The following ZBTB37 variants were observed in gnomAD, a reference collection of about 807,000 sequenced individuals.
ZBTB37 encodes the protein zinc finger and BTB domain containing 37.
In ZBTB37, 15 loss-of-function variants were observed where a neutral mutation model predicts 37.7. The observed-to-expected ratio is 0.40, with a 90% CI of 0.27 to 0.61. The LOEUF (loss-of-function observed/expected upper bound fraction) is 0.61, where lower values mean the gene tolerates loss of function less well. Among genes scored for constraint, ZBTB37 ranks in the 20% least tolerant of loss-of-function variants. The pLI is 0.44. For missense variants in ZBTB37, 514 were observed against 641.9 expected, an observed-to-expected ratio of 0.80 and a Z score of 2.15; for synonymous variants, 231 against 220.6, an observed-to-expected ratio of 1.05 and a Z score of -0.42.
At chr1:173,903,110 T>A (rs1044698210) in exon 4 of ZBTB37, 1 of 152,146 alleles carries the variant, frequency 6.6e-6, no homozygotes, top group Non-Finnish European at 1.5e-5. Flanking sequence ...TTTCTAAGTA[T>A]CAGATTTGTT....
intron 4 of ZBTB37, among the ~76,000 whole-genome samples, chr1:173,882,508 A>G (rs570461873): frequency 3.6e-4 from 54 of 152,098 alleles, no homozygotes; most frequent in East Asian, 7.7e-4. Context: ...CCAAAGTGCT[A>G]GGATTACAGG....
chr1:173,870,017 A>T (rs942527084), intron 2 of ZBTB37, among the ~76,000 whole-genome samples, 183 bp from the exon 3 acceptor site: 3 of 152,222 alleles, frequency 2.0e-5, no homozygotes, highest in African/African-American at 7.2e-5. Flanking sequence ...TCCTCCTGTG[A>T]AACTTAAACT....
At chr1:173,888,601 A>AT (rs1283299241), downstream of ZBTB37, 1 of 140,518 alleles carries the variant, frequency 7.1e-6, no homozygotes, top group Non-Finnish European at 1.5e-5. Context: ...TAATTTTTAA[A>AT]TTTTTTTGTA....
downstream of ZBTB37, chr1:173,890,676 T>TA (rs1656806904): frequency 6.6e-6 from 1 of 152,216 alleles, no homozygotes; most frequent in African/African-American, 2.4e-5. Context: ...CCTTAGGACT[T>TA]ACGGAATTAG....
At chr1:173,871,184 G>T in intron 3 of ZBTB37, 36 bp downstream of exon 3, 1 of 1,530,800 alleles carries the variant, frequency 6.5e-7, no homozygotes, top group South Asian at 1.2e-5. Context: ...CCATGTAATG[G>T]CTATTGTGTA....
At chr1:173,874,078 A>G (rs569615921) in intron 4 of ZBTB37, among the ~76,000 whole-genome samples, 1 of 152,050 alleles carries the variant, frequency 6.6e-6, no homozygotes, top group East Asian at 2.0e-4. Context: ...CAACATGGAG[A>G]AAACCCGTCT....
chr1:173,886,081 G>T (rs1383844400), exon 5 of ZBTB37: 16 of 1,551,644 alleles, frequency 1.0e-5, no homozygotes, highest in Non-Finnish European at 1.4e-5. Flanking sequence ...GTTGCTCCTG[G>T]GGAAGCTGTC....
At chr1:173,872,526 T>C (rs961681314) in intron 3 of ZBTB37, among the ~76,000 whole-genome samples, 17 of 152,092 alleles carry the variant, frequency 1.1e-4, no homozygotes, top group African/African-American at 3.4e-4. Context: ...TTGAGTATTG[T>C]CTTCCTGTGT....
chr1:173,870,073 G>A (rs1316009385), intron 2 of ZBTB37, 127 bp from the exon 3 acceptor site: 2 of 623,502 alleles, frequency 3.2e-6, no homozygotes, highest in Non-Finnish European at 2.6e-6. Context: ...ATATAAGGAA[G>A]GTATTTCTTT....
chr1:173,881,656 G>A (rs1292766372), intron 4 of ZBTB37, among the ~76,000 whole-genome samples: 2 of 152,188 alleles, frequency 1.3e-5, no homozygotes, highest in East Asian at 3.9e-4. Flanking sequence ...TCTAACTGGT[G>A]TGAGATGGTA....
intron 4 of ZBTB37, among the ~76,000 whole-genome samples, chr1:173,881,498 T>C (rs1656305444): frequency 6.6e-6 from 1 of 152,216 alleles, no homozygotes; most frequent in Non-Finnish European, 1.5e-5. Context: ...TCAAATGGTA[T>C]TTCTAGTTCT....
rs143595382 is a variant in ZBTB37 at position 173,895,163 on chromosome 1, G to C, written c.*9039G>C. 7.3e-3 allele frequency: 1,112 copies of C among 152,600 alleles called. 52 individuals carry two copies. The East Asian group carries it at 0.14, about 19-fold the overall frequency. 9.5% of individuals were successfully genotyped at this position (152,600 alleles called of 1,614,324 possible). A position where few individuals can be genotyped will look rare whatever the true frequency, so the allele number is the denominator to read the frequency against. On this transcript the variant is annotated 3_prime_UTR_variant, in exon 4 of 4. Transcript: ENST00000367701. The stretch of plus-strand genomic sequence containing the variant: ...CTGTCACCCAGGCTGGAGTGCAGTG[G>C]TGCAATCACAGCTCACTGCAGCCTC...
exon 4 of ZBTB37, chr1:173,891,734 G>C (rs988109387): frequency 6.6e-6 from 1 of 152,116 alleles, no homozygotes; most frequent in African/African-American, 2.4e-5. Flanking sequence ...TTAAGGACCA[G>C]CCTGGGCAAC....
intron 4 of ZBTB37, among the ~76,000 whole-genome samples, chr1:173,880,202 T>A (rs1656222668): frequency 3.3e-5 from 5 of 152,264 alleles, no homozygotes; most frequent in South Asian, 2.1e-4. Context: ...GATTAATAGT[T>A]GTTGTTTTAT....
intron 4 of ZBTB37, among the ~76,000 whole-genome samples, chr1:173,876,850 A>G (rs1655999178): frequency 6.6e-6 from 1 of 152,158 alleles, no homozygotes; most frequent in African/African-American, 2.4e-5. Flanking sequence ...AATTGACAGT[A>G]TATTCTGAGA....
chr1:173,870,208 G>A lies in ZBTB37; in HGVS notation c.-18G>A. The A allele has an allele frequency of 6.3e-7, 1 of 1,581,778 alleles. No individual in the cohort carries two copies. Among genetic ancestry groups the A allele is most frequent in the Non-Finnish European group, 8.6e-7 (1 of 1,162,156 alleles). On this transcript the variant is annotated 5_prime_UTR_variant, in exon 3 of 5. It removes an upstream start codon present in the reference 5' UTR. Coordinates refer to ENST00000427304, the Ensembl canonical transcript of ZBTB37. Reference sequence around the variant, plus strand: ...GTTTCTTTTTTCAGCAGGGTTGAATGCACCCTCAGGCACGACCATGGAGAA... The same window carrying A: ...GTTTCTTTTTTCAGCAGGGTTGAATACACCCTCAGGCACGACCATGGAGAA...
intron 4 of ZBTB37, 63 bp from the exon 5 acceptor site, chr1:173,885,573 G>A: frequency 7.5e-7 from 1 of 1,334,288 alleles, no homozygotes; most frequent in Middle Eastern, 1.9e-4. Context: ...AGATTTGATT[G>A]CTTTTAATAT....
chr1:173,890,815 TG>T (rs1214341717), downstream of ZBTB37: 1 of 152,204 alleles, frequency 6.6e-6, no homozygotes, highest in Admixed American at 6.5e-5. Context: ...TCTACTACAA[TG>T]GCAAAGTTGA....
intron 4 of ZBTB37, among the ~76,000 whole-genome samples, chr1:173,878,779 C>T (rs936825249): frequency 3.3e-5 from 5 of 152,168 alleles, no homozygotes; most frequent in Non-Finnish European, 5.9e-5. Context: ...TCTTGAGTGA[C>T]TTGGATATAA....
Sources: gnomAD v4.1 joint callset for allele counts (sites outside exome capture counted in the v4.1 genomes callset) on GRCh38, gnomAD v4.1.1 for gene constraint, MANE v1.5 for transcripts, NCBI Gene and HGNC (gene_info 2026-07-23, HGNC 2026-07-21) for gene names.